GUCY2F: variants seen among roughly 807,000 people sequenced by gnomAD.
The protein encoded by GUCY2F is retinal guanylyl cyclase 2.
GUCY2F carries 61 observed loss-of-function variants against 73.1 expected under a neutral mutation model. The ratio of observed to expected loss-of-function variants is 0.83; its 90% CI spans 0.68 to 1.03. The LOEUF is 1.03. GUCY2F is among the 50% of genes least tolerant of loss of function. The pLI is 0.00. For synonymous variants in GUCY2F, 331 were observed against 307.8 expected (o/e 1.08, Z -0.79); for missense variants, 912 against 854.3 (o/e 1.07, Z -0.84).
intron 10 of GUCY2F, among the ~76,000 whole-genome samples, chrX:109,402,872 G>A (rs1045601272): frequency 2.7e-5 from 3 of 111,772 alleles, no homozygotes; most frequent in African/African-American, 9.8e-5. Context: ...GTCTTATAAA[G>A]TCCAGATACC....
At chrX:109,406,945 A>G (rs182260665) in intron 9 of GUCY2F, among the ~76,000 whole-genome samples, 1 of 112,360 alleles carries the variant, frequency 8.9e-6, no homozygotes, top group Non-Finnish European at 1.9e-5. Context: ...CTTTATCAGC[A>G]GCATGAAAAT....
At chrX:109,442,599 A>G (rs895043943) in intron 6 of GUCY2F, among the ~76,000 whole-genome samples, 1 of 111,273 alleles carries the variant, frequency 9.0e-6, no homozygotes, top group South Asian at 3.7e-4. Flanking sequence ...ATTACACCTT[A>G]GTAGTCTTTG....
At chrX:109,432,502 C>G (rs1264558581) in intron 7 of GUCY2F, among the ~76,000 whole-genome samples, 2 of 112,243 alleles carry the variant, frequency 1.8e-5, no homozygotes, top group African/African-American at 6.5e-5. Context: ...AAAGCCTTCC[C>G]GGCACCTTTG....
chrX:109,393,653 G>A (rs1930629913), intron 12 of GUCY2F, among the ~76,000 whole-genome samples: 1 of 111,646 alleles, frequency 9.0e-6, no homozygotes. Context: ...TCAGAGTGAT[G>A]TAAAATTCAA....
chrX:109,424,711 A>G (rs1208667347), intron 8 of GUCY2F, among the ~76,000 whole-genome samples: 1 of 111,009 alleles, frequency 9.0e-6, no homozygotes, highest in Non-Finnish European at 1.9e-5. Flanking sequence ...CTGTGAACCC[A>G]AAATAGTTCC....
intron 5 of GUCY2F, among the ~76,000 whole-genome samples, chrX:109,448,581 C>T (rs183859695): frequency 8.9e-4 from 100 of 112,085 alleles, no homozygotes; most frequent in Admixed American, 5.4e-3. Flanking sequence ...TCATTAATCT[C>T]CATTTTATAG....
chrX:109,381,706 T>C (rs1437434321), intron 17 of GUCY2F, among the ~76,000 whole-genome samples: 1 of 111,723 alleles, frequency 9.0e-6, no homozygotes, highest in Non-Finnish European at 1.9e-5. Context: ...CCAGGAAGGG[T>C]GGCCACTGAG....
chrX:109,396,696 C>T (rs770069736), intron 11 of GUCY2F, among the ~76,000 whole-genome samples: 3 of 112,347 alleles, frequency 2.7e-5, no homozygotes, highest in Admixed American at 9.4e-5. Context: ...ATCCCTAATA[C>T]GAGCCCCTTG....
At chrX:109,471,024 T>G (rs1242148815) in intron 2 of GUCY2F, among the ~76,000 whole-genome samples, 1 of 112,181 alleles carries the variant, frequency 8.9e-6, no homozygotes, top group Non-Finnish European at 1.9e-5. Flanking sequence ...CCAATAAATA[T>G]TAACTATTAC....
At chrX:109,467,606 A>G (rs1317166819) in intron 2 of GUCY2F, among the ~76,000 whole-genome samples, 1 of 112,591 alleles carries the variant, frequency 8.9e-6, no homozygotes, top group Non-Finnish European at 1.9e-5. Context: ...ACACTTCAGC[A>G]CTGAAGCACT....
intron 2 of GUCY2F, among the ~76,000 whole-genome samples, chrX:109,468,710 AT>A (rs1410056041): frequency 1.8e-5 from 2 of 111,916 alleles, no homozygotes; most frequent in Non-Finnish European, 3.8e-5. Flanking sequence ...TGTCCCCATC[AT>A]TTTATAGAAG....
At chrX:109,449,828 T>C (rs1006163970) in intron 5 of GUCY2F, among the ~76,000 whole-genome samples, 2 of 111,730 alleles carry the variant, frequency 1.8e-5, no homozygotes, top group African/African-American at 6.5e-5. Context: ...TGCAATCTGG[T>C]TCCAGAGGAG....
chrX:109,458,364 T>C (rs1364459450), intron 3 of GUCY2F, among the ~76,000 whole-genome samples: 1 of 111,727 alleles, frequency 9.0e-6, no homozygotes, highest in Non-Finnish European at 1.9e-5. Context: ...AGCCTTAGTT[T>C]CCTCAACCAC....
At chrX:109,385,573 CA>C (rs1400981545) in intron 15 of GUCY2F, among the ~76,000 whole-genome samples, 1 of 111,700 alleles carries the variant, frequency 9.0e-6, no homozygotes, top group Non-Finnish European at 1.9e-5. Flanking sequence ...GTATCAAACC[CA>C]AACCAGAAAG....
chrX:109,479,105 C>A (rs1225228775), intron 1 of GUCY2F, among the ~76,000 whole-genome samples: 1 of 110,658 alleles, frequency 9.0e-6, no homozygotes, highest in Non-Finnish European at 1.9e-5. Flanking sequence ...CTGGGACTGC[C>A]CACTGACTCC....
intron 7 of GUCY2F, among the ~76,000 whole-genome samples, chrX:109,434,985 T>A (rs1931705087): frequency 9.1e-6 from 1 of 109,785 alleles, no homozygotes; most frequent in Admixed American, 9.6e-5. Context: ...CATTGATCTA[T>A]ATGTCTGTTT....
At chrX:109,471,461 G>A (rs1385688710) in intron 2 of GUCY2F, among the ~76,000 whole-genome samples, 2 of 112,380 alleles carry the variant, frequency 1.8e-5, no homozygotes, top group African/African-American at 6.5e-5. Flanking sequence ...GTAAGTAAAT[G>A]ACCTTTTGTG....
chrX:109,424,150 C>T (rs1931430615), intron 8 of GUCY2F, among the ~76,000 whole-genome samples: 1 of 111,827 alleles, frequency 8.9e-6, no homozygotes, highest in Non-Finnish European at 1.9e-5. Flanking sequence ...TGAACAACTT[C>T]CTTTAAAGCC....
At chrX:109,478,888 T>A in intron 1 of GUCY2F, among the ~76,000 whole-genome samples, 1 of 112,494 alleles carries the variant, frequency 8.9e-6, no homozygotes, top group East Asian at 2.8e-4. Flanking sequence ...CCCTCATCTA[T>A]GAAGTCAATG....
Sources: allele counts gnomAD v4.1 joint callset (sites outside exome capture counted in the v4.1 genomes callset), GRCh38; gene constraint gnomAD v4.1.1; transcripts MANE v1.5; gene names NCBI Gene and HGNC (gene_info 2026-07-23, HGNC 2026-07-21).